The following SIAH3 variants were observed in gnomAD, a reference collection of about 807,000 sequenced individuals.
The protein encoded by SIAH3 is siah E3 ubiquitin protein ligase family member 3.
Under a neutral mutation model 12.6 loss-of-function variants are expected in SIAH3, and 9 were observed. The ratio of observed to expected loss-of-function variants is 0.72; its 90% CI spans 0.43 to 1.25. SIAH3 has a LOEUF of 1.25. Among genes scored for constraint, SIAH3 ranks in the 50% most tolerant of loss-of-function variants. SIAH3 has a pLI of 0.00. For missense variants in SIAH3, 390 were observed against 365.4 expected (o/e 1.07, Z -0.55); for synonymous variants, 154 against 151.1 (o/e 1.02, Z -0.14).
intron 1 of SIAH3, among the ~76,000 whole-genome samples, chr13:45,787,715 C>A (rs1189777965): frequency 6.6e-6 from 1 of 152,144 alleles, no homozygotes; most frequent in East Asian, 1.9e-4. Context: ...ATTGCCCAGG[C>A]CTTGTAAGCC....
intron 1 of SIAH3, among the ~76,000 whole-genome samples, chr13:45,791,474 C>T (rs1243609752): frequency 6.6e-6 from 1 of 152,194 alleles, no homozygotes; most frequent in Non-Finnish European, 1.5e-5. Flanking sequence ...GTCCTCTACC[C>T]TTCCATCTCA....
chr13:45,848,739 A>G (rs1272381709), intron 1 of SIAH3, among the ~76,000 whole-genome samples: 1 of 152,202 alleles, frequency 6.6e-6, no homozygotes, highest in Non-Finnish European at 1.5e-5. Flanking sequence ...CCCTCTTTGT[A>G]GCTACACGCA....
rs560128772 is a variant in SIAH3, at chr13:45,843,034, C to CTCTGTGTGTGTGTGTGTGTGTG, written c.135+8460_135+8461insCACACACACACACACACACAGA. Reference sequence around the variant, plus strand: ...TGCCATTATTTCTCTCTCTCTCTCTCTGTGTGTGTGTGTGTGTGTGTGTGT... The same window carrying CTCTGTGTGTGTGTGTGTGTGTG: ...TGCCATTATTTCTCTCTCTCTCTCTCTCTGTGTGTGTGTGTGTGTGTGTGTGTGTGTGTGTGTGTGTGTGTGT... On this transcript the variant is annotated intron_variant, in intron 1 of 1. Transcript: ENST00000400405. 7.8e-4 allele frequency among the ~76,000 whole-genome samples: 109 copies of CTCTGTGTGTGTGTGTGTGTGTG among 139,284 alleles called. 2 individuals carry two copies. The highest frequency in any genetic ancestry group is 7.4e-3 in the Middle Eastern group (2 of 272). 91.4% of individuals were successfully genotyped at this position (139,284 alleles called of 152,430 possible).
intron 1 of SIAH3, among the ~76,000 whole-genome samples, chr13:45,786,758 C>T (rs148453858): frequency 5.8e-4 from 88 of 152,270 alleles, no homozygotes; most frequent in South Asian, 4.4e-3. Context: ...CTTTCACACA[C>T]GAGCAGCAAT....
intron 1 of SIAH3, among the ~76,000 whole-genome samples, chr13:45,845,672 T>C (rs1461362286): frequency 2.6e-5 from 4 of 152,224 alleles, no homozygotes; most frequent in Admixed American, 6.5e-5. Context: ...TGTTGTGTTT[T>C]GTATGTTTCT....
chr13:45,835,944 CT>C (rs1950716243), intron 1 of SIAH3, among the ~76,000 whole-genome samples: 1 of 152,212 alleles, frequency 6.6e-6, no homozygotes, highest in African/African-American at 2.4e-5. Flanking sequence ...ACTTTCTTGC[CT>C]TGTTCTTGCA....
chr13:45,837,530 G>GAGAA (rs5803312), intron 1 of SIAH3, among the ~76,000 whole-genome samples: 72,156 of 149,570 alleles, frequency 0.48, 17,777 homozygotes, highest in Admixed American at 0.62. Flanking sequence ...AAGGAAGAAA[G>GAGAA]AGACAAGAAG....
chr13:45,843,034 CTGTG>C (rs55772614), intron 1 of SIAH3, among the ~76,000 whole-genome samples: 57 of 139,286 alleles, frequency 4.1e-4, no homozygotes, highest in Non-Finnish European at 8.0e-4. Context: ...CTCTCTCTCT[CTGTG>C]TGTGTGTGTG....
intron 1 of SIAH3, among the ~76,000 whole-genome samples, chr13:45,797,883 C>G (rs551452518): frequency 1.6e-4 from 25 of 152,280 alleles, no homozygotes; most frequent in African/African-American, 5.1e-4. Flanking sequence ...CACTCTGATT[C>G]CTTAACAAGT....
chr13:45,798,967 G>A (rs1950571968), intron 1 of SIAH3, among the ~76,000 whole-genome samples: 1 of 152,174 alleles, frequency 6.6e-6, no homozygotes, highest in Non-Finnish European at 1.5e-5. Context: ...CTCCATCCCA[G>A]ATCTACTAAT....
At chr13:45,786,685 G>C (rs957203454) in intron 1 of SIAH3, among the ~76,000 whole-genome samples, 9 of 152,120 alleles carry the variant, frequency 5.9e-5, no homozygotes, top group African/African-American at 2.2e-4. Flanking sequence ...TGTGGTTTTG[G>C]GTGAAGACTT....
chr13:45,831,455 T>C (rs1244111853), intron 1 of SIAH3, among the ~76,000 whole-genome samples: 2 of 152,180 alleles, frequency 1.3e-5, no homozygotes, highest in African/African-American at 2.4e-5. Context: ...GAGTAGAAGA[T>C]AATCCAGTAA....
rs1414066997 is a variant in SIAH3, at chr13:45,782,361, G to A, written c.*1022C>T. On this transcript the variant is annotated 3_prime_UTR_variant, in exon 2 of 2. Coordinates refer to ENST00000400405, the MANE Select transcript of SIAH3 (RefSeq NM_198849.3). ...TTTGTAAGTGATGACCAGCCCGCCA[G>A]GTCAGAGATCCTGGGTGCCACCCTC... 1 of 152,214 alleles carries A rather than the reference G, an allele frequency of 6.6e-6. No individual in the cohort carries two copies. Among genetic ancestry groups the A allele is most frequent in the Non-Finnish European group, 1.5e-5 (1 of 68,048 alleles). 9.4% of individuals were successfully genotyped at this position (152,214 alleles called of 1,614,324 possible). A position where few individuals can be genotyped will look rare whatever the true frequency, so the allele number is the denominator to read the frequency against.
chr13:45,849,808 A>G (rs564834072), intron 1 of SIAH3, among the ~76,000 whole-genome samples: 12 of 152,384 alleles, frequency 7.9e-5, no homozygotes, highest in East Asian at 1.9e-4. Context: ...AACTTCAGAA[A>G]TGCTAAAGTC....
chr13:45,834,790 C>A (rs539375863), intron 1 of SIAH3, among the ~76,000 whole-genome samples: 1 of 152,164 alleles, frequency 6.6e-6, no homozygotes, highest in Non-Finnish European at 1.5e-5. Context: ...AGTTCACAAT[C>A]CTGACTCTAC....
chr13:45,814,684 A>G (rs1950628006), intron 1 of SIAH3, among the ~76,000 whole-genome samples: 2 of 151,610 alleles, frequency 1.3e-5, no homozygotes, highest in South Asian at 4.2e-4. Flanking sequence ...TTGCCCCCAG[A>G]GTTCTAGTAT....
intron 1 of SIAH3, among the ~76,000 whole-genome samples, chr13:45,793,134 G>A (rs1223659505): frequency 6.6e-6 from 1 of 152,198 alleles, no homozygotes; most frequent in East Asian, 1.9e-4. Context: ...CTCAGATTGT[G>A]AGCAACAGTG....
At chr13:45,844,762 G>A (rs974208699) in intron 1 of SIAH3, among the ~76,000 whole-genome samples, 1 of 152,236 alleles carries the variant, frequency 6.6e-6, no homozygotes, top group African/African-American at 2.4e-5. Context: ...CATTGGAAGA[G>A]ATCTGTGAAA....
rs534099365 is a variant in SIAH3 at position 45,783,967 on chromosome 13, GGTGGTGGCA to G, written c.217_225del (p.Cys73_His75del). On this transcript the variant is annotated inframe_deletion, in exon 2 of 2. Transcript: ENST00000400405. Reference sequence around the variant, plus strand: ...TGGTGGCGGAGGTGGTGGTGGTGGCGGTGGTGGCAGTGGTGGTGGGAGAGATGGTGAGGG... The same window carrying G: ...TGGTGGCGGAGGTGGTGGTGGTGGCGGTGGTGGTGGGAGAGATGGTGAGGG... 3.8e-4 allele frequency: 616 copies of G among 1,606,136 alleles called. 6 individuals carry two copies. In the African/African-American group the frequency reaches 6.1e-3, roughly 16 times the overall value.
Sources: gnomAD v4.1 joint callset for allele counts (sites outside exome capture counted in the v4.1 genomes callset) on GRCh38, gnomAD v4.1.1 for gene constraint, MANE v1.5 for transcripts, NCBI Gene and HGNC (gene_info 2026-07-23, HGNC 2026-07-21) for gene names.